The following OPCML variants were observed in gnomAD, a reference collection of about 807,000 sequenced individuals.
OPCML encodes opioid binding protein/cell adhesion molecule like, also known as opioid-binding protein/cell adhesion molecule.
A neutral mutation model predicts 37.8 loss-of-function variants in OPCML; 13 were observed. The ratio of observed to expected loss-of-function variants is 0.34; its 90% CI spans 0.22 to 0.55. The LOEUF is 0.55. Ranked by LOEUF, OPCML falls within the 20% of genes least tolerant of loss-of-function variation. The pLI is 0.91. For missense variants in OPCML, 341 were observed against 435.6 expected (o/e 0.78, Z 1.93); for synonymous variants, 176 against 168.8 (o/e 1.04, Z -0.33).
Position 132,583,941 on chromosome 11 carries a change from C to T in OPCML, c.380-54755G>A, listed in dbSNP as rs142990841. Among the ~76,000 whole-genome samples, 1,375 of 152,040 alleles carry T rather than the reference C, an allele frequency of 9.0e-3. 17 individuals are homozygous for T. The highest frequency in any genetic ancestry group is 0.014 in the Non-Finnish European group (950 of 67,988). ...TAGGCTGATTTTTTTTATAGTTCAC[C>T]AATACAGTGTCATGTAAGCATTTTC... On this transcript the variant is annotated intron_variant, in intron 3 of 7. Coordinates refer to ENST00000524381, the MANE Select transcript of OPCML (RefSeq NM_001012393.5).
chr11:132,770,926 C>G (rs931827691), intron 2 of OPCML, among the ~76,000 whole-genome samples: 3 of 152,146 alleles, frequency 2.0e-5, no homozygotes, highest in African/African-American at 7.2e-5. Flanking sequence ...CTTGATAGAC[C>G]ATATGGTCTG....
rs182140091 is a variant in OPCML, at chr11:133,123,605, G to A, written c.62-180595C>T. On this transcript the variant is annotated intron_variant, in intron 1 of 7. Transcript: ENST00000524381. The stretch of plus-strand genomic sequence containing the variant: ...TTATCCAGGGCCATCTGGTCAGCCC[G>A]GCATGCTTGGAGGAGCAACACAGGG... Among the ~76,000 whole-genome samples the A allele has an allele frequency of 2.1e-3, 316 of 152,142 alleles. 1 individual carries two copies. Among genetic ancestry groups the A allele is most frequent in the African/African-American group, 7.2e-3 (297 of 41,526 alleles).
chr11:133,222,948 C>T (rs1939899428), intron 1 of OPCML, among the ~76,000 whole-genome samples: 1 of 152,124 alleles, frequency 6.6e-6, no homozygotes, highest in African/African-American at 2.4e-5. Context: ...AGGTCCCAGC[C>T]TTGTGTACTT....
chr11:132,601,550 T>C (rs1448810604), intron 3 of OPCML, among the ~76,000 whole-genome samples: 2 of 152,174 alleles, frequency 1.3e-5, no homozygotes, highest in African/African-American at 4.8e-5. Context: ...CTAACATTCA[T>C]TCCAAGAAGA....
chr11:132,430,855 A>C (rs912895012), intron 7 of OPCML, among the ~76,000 whole-genome samples: 1 of 152,140 alleles, frequency 6.6e-6, no homozygotes, highest in Non-Finnish European at 1.5e-5. Flanking sequence ...CACTCTCTGC[A>C]GTGCCAGATG....
intron 4 of OPCML, among the ~76,000 whole-genome samples, chr11:132,496,177 T>G (rs569978799): frequency 2.0e-5 from 3 of 152,280 alleles, no homozygotes; most frequent in African/African-American, 7.2e-5. Context: ...CTCAGTCAAG[T>G]GCAAGAGCGT....
At chr11:132,481,424 C>T (rs1345151456) in intron 4 of OPCML, among the ~76,000 whole-genome samples, 2 of 151,012 alleles carry the variant, frequency 1.3e-5, no homozygotes, top group African/African-American at 4.9e-5. Flanking sequence ...TAAAGCAAGT[C>T]CTGAGTGACC....
intron 1 of OPCML, among the ~76,000 whole-genome samples, chr11:133,095,702 T>A (rs1346644013): frequency 6.8e-6 from 1 of 146,798 alleles, no homozygotes; most frequent in Non-Finnish European, 1.5e-5. Flanking sequence ...ATGAAAAAAA[T>A]TACAAAAAAA....
At chr11:132,719,164 G>A (rs1420476703) in intron 2 of OPCML, among the ~76,000 whole-genome samples, 1 of 152,214 alleles carries the variant, frequency 6.6e-6, no homozygotes, top group African/African-American at 2.4e-5. Flanking sequence ...CGTCCAGGAG[G>A]CGCGTGTTCT....
At chr11:133,475,475 GA>G (rs1268037781) in intron 1 of OPCML, among the ~76,000 whole-genome samples, 1 of 152,042 alleles carries the variant, frequency 6.6e-6, no homozygotes, top group Non-Finnish European at 1.5e-5. Flanking sequence ...TATGCTCATG[GA>G]CCTTCCAAAC....
intron 4 of OPCML, among the ~76,000 whole-genome samples, chr11:132,446,103 CTTT>C (rs58784534): frequency 6.2e-5 from 3 of 48,514 alleles, no homozygotes; most frequent in African/African-American, 9.0e-5. Flanking sequence ...CTGCTTGTGT[CTTT>C]TTTTTTTTTT....
chr11:132,655,287 C>T (rs983770649), intron 3 of OPCML, among the ~76,000 whole-genome samples: 9 of 152,254 alleles, frequency 5.9e-5, no homozygotes, highest in East Asian at 1.9e-4. Context: ...CTTCCGATGC[C>T]GAGAATGTCA....
chr11:132,602,440 A>G (rs1381155384), intron 3 of OPCML, among the ~76,000 whole-genome samples: 1 of 152,184 alleles, frequency 6.6e-6, no homozygotes. Flanking sequence ...GTAGGTTAAT[A>G]TAGACAGCCT....
Position 132,943,040 on chromosome 11 carries a change from G to C in OPCML, c.62-30C>G. 1 of 1,614,172 alleles carries C rather than the reference G, an allele frequency of 6.2e-7. No individual in the cohort carries two copies. Among genetic ancestry groups the C allele is most frequent in the Non-Finnish European group, 8.5e-7 (1 of 1,180,002 alleles). ...GGGTACAAGGAACAGCAGCCTGAGA[G>C]ACACGACCACGAGGCACTTCCAGGG... On this transcript the variant is annotated intron_variant, in intron 1 of 7. Coordinates refer to ENST00000524381, the MANE Select transcript of OPCML (RefSeq NM_001012393.5). This position sits in a 1 kb window ranked among gnomAD's most constrained non-coding sequence, Gnocchi z 4.3.
chr11:132,989,009 T>C (rs764045240), intron 1 of OPCML, among the ~76,000 whole-genome samples: 1 of 152,166 alleles, frequency 6.6e-6, no homozygotes, highest in Non-Finnish European at 1.5e-5. Context: ...CAAACTCCAT[T>C]GGCAAAAATT....
intron 1 of OPCML, among the ~76,000 whole-genome samples, chr11:132,997,281 C>G (rs1946905967): frequency 6.6e-6 from 1 of 152,226 alleles, no homozygotes; most frequent in Non-Finnish European, 1.5e-5. Context: ...GATAGGGCAG[C>G]CTTCTGATAC....
chr11:132,976,248 G>T (rs1329013904), intron 1 of OPCML, among the ~76,000 whole-genome samples: 2 of 152,150 alleles, frequency 1.3e-5, no homozygotes, highest in African/African-American at 4.8e-5. Flanking sequence ...TCTTACGAAG[G>T]GTGGACAGCT....
intron 1 of OPCML, among the ~76,000 whole-genome samples, chr11:133,436,030 C>T (rs1465240420): frequency 2.0e-5 from 3 of 152,118 alleles, no homozygotes; most frequent in South Asian, 2.1e-4. Flanking sequence ...ACACACTCCA[C>T]GTGCAACCAC....
At chr11:132,938,969 AG>A (rs1179793676) in intron 2 of OPCML, among the ~76,000 whole-genome samples, 1 of 152,142 alleles carries the variant, frequency 6.6e-6, no homozygotes, top group Non-Finnish European at 1.5e-5. Flanking sequence ...ATTTCTAAAA[AG>A]CATCCCAGAT....
Sources: gnomAD v4.1 joint callset for allele counts (sites outside exome capture counted in the v4.1 genomes callset) on GRCh38, gnomAD v4.1.1 for gene constraint, Gnocchi (gnomAD v3.1) non-coding constraint, MANE v1.5 for transcripts, NCBI Gene and HGNC (gene_info 2026-07-23, HGNC 2026-07-21) for gene names.